RABGAP1L: variants seen among roughly 807,000 people sequenced by gnomAD.
RABGAP1L encodes RAB GTPase activating protein 1 like, also known as rab GTPase-activating protein 1-like.
A neutral mutation model predicts 137.7 loss-of-function variants in RABGAP1L; 63 were observed. The observed-to-expected ratio is 0.46, with a 90% confidence interval of 0.37 to 0.56. RABGAP1L has a LOEUF of 0.56. Among genes scored for constraint, RABGAP1L ranks in the 20% least tolerant of loss-of-function variants. The pLI, the probability that RABGAP1L is intolerant of heterozygous loss-of-function variation, is 0.00. For synonymous variants in RABGAP1L, 431 were observed against 433.7 expected (o/e 0.99, Z 0.08); for missense variants, 1,095 against 1,244.0 (o/e 0.88, Z 1.80).
chr1:174,862,331 G>T (rs192741322), intron 19 of RABGAP1L, among the ~76,000 whole-genome samples: 1 of 152,170 alleles, frequency 6.6e-6, no homozygotes, highest in South Asian at 2.1e-4. Context: ...AAACCCAGGG[G>T]TGTGACATAC....
chr1:174,701,985 G>A, intron 16 of RABGAP1L, 128 bp from the exon 17 acceptor site: 3 of 770,878 alleles, frequency 3.9e-6, no homozygotes, highest in Middle Eastern at 2.4e-4. Flanking sequence ...AGTTATACAA[G>A]ACAACCAATA....
intron 13 of RABGAP1L, among the ~76,000 whole-genome samples, chr1:174,550,557 A>G (rs968603551): frequency 6.6e-6 from 1 of 152,142 alleles, no homozygotes; most frequent in Non-Finnish European, 1.5e-5. Context: ...TAAAAATTCA[A>G]TGGACAAAAG....
Position 174,923,738 on chromosome 1 carries a change from G to T in RABGAP1L, c.2341-33719G>T, listed in dbSNP as rs138111945. On this transcript the variant is annotated intron_variant, in intron 19 of 25. Coordinates refer to ENST00000681986, the MANE Select transcript of RABGAP1L (RefSeq NM_001366446.1). ...TCTACTAAAAATACAAAAATTAGCT[G>T]AGTGTGGTGGCACGTGCCTGTAATC... Among the ~76,000 whole-genome samples the T allele has an allele frequency of 2.2e-3, 331 of 151,994 alleles. 2 individuals carry two copies. The highest frequency in any genetic ancestry group is 7.7e-3 in the African/African-American group (321 of 41,486).
chr1:174,677,328 AT>A (rs1412850166), intron 14 of RABGAP1L, among the ~76,000 whole-genome samples: 1 of 152,188 alleles, frequency 6.6e-6, no homozygotes, highest in Non-Finnish European at 1.5e-5. Context: ...ATACATATTC[AT>A]TTGCTTTTAG....
intron 13 of RABGAP1L, among the ~76,000 whole-genome samples, chr1:174,468,172 T>C: frequency 2.0e-5 from 3 of 152,286 alleles, no homozygotes; most frequent in Middle Eastern, 3.4e-3. Context: ...TACTTCTTTA[T>C]ACCACTGTAT....
intron 13 of RABGAP1L, among the ~76,000 whole-genome samples, chr1:174,464,763 C>CT (rs59473018): frequency 0.03 from 4,380 of 148,186 alleles, 187 homozygotes; most frequent in African/African-American, 0.097. Flanking sequence ...AACCAGATCA[C>CT]TTTTTTTTTT....
At chr1:174,960,317 C>T (rs1006114775) in intron 20 of RABGAP1L, among the ~76,000 whole-genome samples, 5 of 152,140 alleles carry the variant, frequency 3.3e-5, no homozygotes, top group African/African-American at 1.2e-4. Flanking sequence ...AATACAGATC[C>T]AGCAATGTGA....
At chr1:174,933,663 A>G (rs751044178) in intron 19 of RABGAP1L, among the ~76,000 whole-genome samples, 9 of 152,122 alleles carry the variant, frequency 5.9e-5, no homozygotes, top group Non-Finnish European at 1.2e-4. Flanking sequence ...GGGCCCAGCA[A>G]TTTGTGCTTT....
intron 12 of RABGAP1L, among the ~76,000 whole-genome samples, chr1:174,388,611 CTAT>C (rs1236542390): frequency 1.3e-5 from 2 of 152,076 alleles, no homozygotes; most frequent in Admixed American, 6.5e-5. Context: ...GATGATTTAA[CTAT>C]TATTTAAATA....
At chr1:174,231,769 G>C (rs1360494274) in intron 4 of RABGAP1L, among the ~76,000 whole-genome samples, 1 of 152,080 alleles carries the variant, frequency 6.6e-6, no homozygotes, top group East Asian at 1.9e-4. Context: ...GAGCGAGAAG[G>C]GGGAGGTGCC....
chr1:174,332,928 A>T (rs967154598), intron 11 of RABGAP1L, among the ~76,000 whole-genome samples: 1 of 152,244 alleles, frequency 6.6e-6, no homozygotes, highest in African/African-American at 2.4e-5. Flanking sequence ...AATGTCCATC[A>T]GTGGATGAAT....
intron 14 of RABGAP1L, among the ~76,000 whole-genome samples, chr1:174,664,443 A>G (rs1676599875): frequency 6.6e-6 from 1 of 152,176 alleles, no homozygotes; most frequent in Non-Finnish European, 1.5e-5. Context: ...TTGAAATCTT[A>G]ACACAAACCA....
chr1:174,487,487 A>C (rs544289947), intron 13 of RABGAP1L, among the ~76,000 whole-genome samples: 8 of 152,062 alleles, frequency 5.3e-5, no homozygotes, highest in African/African-American at 1.9e-4. Context: ...ATCTTTTTCC[A>C]TTCCTTTGGT....
At chr1:174,662,020 G>C (rs1676404262) in intron 14 of RABGAP1L, among the ~76,000 whole-genome samples, 1 of 150,768 alleles carries the variant, frequency 6.6e-6, no homozygotes, top group South Asian at 2.1e-4. Flanking sequence ...ATTTTAGGAT[G>C]TATTTCTTCT....
intron 19 of RABGAP1L, among the ~76,000 whole-genome samples, chr1:174,821,674 T>G (rs1691040345): frequency 6.6e-6 from 1 of 152,254 alleles, no homozygotes; most frequent in African/African-American, 2.4e-5. Context: ...CTGTTTGCTA[T>G]TTATTCCTGG....
At position 174,991,591 on chromosome 1, in the gene RABGAP1L, A is replaced by G. The variant is rs1024012127; in HGVS notation, c.*1590A>G. On this transcript the variant is annotated 3_prime_UTR_variant, in exon 26 of 26. Coordinates refer to ENST00000681986, the MANE Select transcript of RABGAP1L (RefSeq NM_001366446.1). ...TCTGTGTTTATATTCTCTACAGCCCATAAAACTGATGTGATTGTTATGTTA... is the reference window on the plus strand; with the variant it reads ...TCTGTGTTTATATTCTCTACAGCCCGTAAAACTGATGTGATTGTTATGTTA... 2 of 152,234 alleles carry G rather than the reference A, an allele frequency of 1.3e-5. No homozygotes were observed. Among genetic ancestry groups the G allele is most frequent in the African/African-American group, 4.8e-5 (2 of 41,444 alleles). 9.4% of individuals were successfully genotyped at this position (152,234 alleles called of 1,614,324 possible). A position where few individuals can be genotyped will look rare whatever the true frequency, so the allele number is the denominator to read the frequency against.
chr1:174,364,475 C>G (rs920379701), intron 11 of RABGAP1L, among the ~76,000 whole-genome samples: 1 of 151,112 alleles, frequency 6.6e-6, no homozygotes, highest in Non-Finnish European at 1.5e-5. Flanking sequence ...GGGATGGTCT[C>G]GATCTCCTGA....
Position 174,372,689 on chromosome 1 carries a change from GTGT to G in RABGAP1L, c.1559+1625_1559+1627del, listed in dbSNP as rs374456548. On this transcript the variant is annotated intron_variant, in intron 12 of 25. Coordinates refer to ENST00000681986, the MANE Select transcript of RABGAP1L (RefSeq NM_001366446.1). ...AGTCACGTCTCTCTCAAGACTTAAA[GTGT>G]TGTTGTTTTTTTTTATTCCAACAGC... Among the ~76,000 whole-genome samples the G allele has an allele frequency of 8.8e-4, 134 of 152,236 alleles. 5 individuals carry two copies. In the South Asian group the frequency reaches 0.025, roughly 28 times the overall value.
intron 14 of RABGAP1L, among the ~76,000 whole-genome samples, chr1:174,647,632 C>T (rs1210903418): frequency 1.3e-5 from 2 of 151,988 alleles, no homozygotes; most frequent in African/African-American, 4.8e-5. Flanking sequence ...AGGATTTTCG[C>T]ATTGATGTTC....
Sources: gnomAD v4.1 joint callset for allele counts (sites outside exome capture counted in the v4.1 genomes callset) on GRCh38, gnomAD v4.1.1 for gene constraint, MANE v1.5 for transcripts, NCBI Gene and HGNC (gene_info 2026-07-23, HGNC 2026-07-21) for gene names.